The following CDH9 variants were observed in gnomAD, a reference collection of about 807,000 sequenced individuals.
CDH9 encodes the protein cadherin-9.
Under a neutral mutation model 70.9 loss-of-function variants are expected in CDH9, and 28 were observed. The ratio of observed to expected loss-of-function variants is 0.40; its 90% CI spans 0.29 to 0.54. The LOEUF (loss-of-function observed/expected upper bound fraction) is 0.54, where lower values mean the gene tolerates loss of function less well. CDH9 is among the 20% of genes least tolerant of loss of function. The pLI is 0.59. For synonymous variants in CDH9, 409 were observed against 343.1 expected (o/e 1.19, Z -2.12); for missense variants, 874 against 984.4 (o/e 0.89, Z 1.50).
intron 2 of CDH9, among the ~76,000 whole-genome samples, chr5:26,940,260 AT>A (rs1579464232): frequency 6.6e-6 from 1 of 152,132 alleles, no homozygotes; most frequent in East Asian, 1.9e-4. Context: ...ACATGATATA[AT>A]GTATTTTTTC....
chr5:26,947,107 C>T (rs904317834), intron 2 of CDH9, among the ~76,000 whole-genome samples: 7 of 152,062 alleles, frequency 4.6e-5, no homozygotes, highest in Admixed American at 4.6e-4. Flanking sequence ...ACTATATCTG[C>T]CATTCAACCA....
At chr5:26,964,816 G>C (rs1187352413) in intron 2 of CDH9, among the ~76,000 whole-genome samples, 1 of 117,520 alleles carries the variant, frequency 8.5e-6, no homozygotes, top group Admixed American at 1.1e-4. Context: ...CCCAGTGTGT[G>C]AGTTTCCCCT....
chr5:26,983,485 C>T (rs1419199900), intron 2 of CDH9, among the ~76,000 whole-genome samples: 1 of 152,092 alleles, frequency 6.6e-6, no homozygotes, highest in African/African-American at 2.4e-5. Flanking sequence ...ACAGTATTGG[C>T]AGTGAAAAAT....
At chr5:26,991,606 A>G (rs896630160) in intron 1 of CDH9, among the ~76,000 whole-genome samples, 7 of 152,212 alleles carry the variant, frequency 4.6e-5, no homozygotes, top group African/African-American at 1.4e-4. Context: ...CAATTGCCCA[A>G]AAATCCTTGT....
In CDH9 at chr5:26,978,399, T is replaced by TA. The variant is rs1036749988; in HGVS notation, c.228+9706dup. 2.6e-5 allele frequency among the ~76,000 whole-genome samples: 4 copies of TA among 151,966 alleles called. No homozygotes were observed. The South Asian group carries it at 8.3e-4, about 32-fold the overall frequency. On this transcript the variant is annotated intron_variant, in intron 2 of 11. Coordinates refer to ENST00000231021, the MANE Select transcript of CDH9 (RefSeq NM_016279.4). ...TTATAATAACTGAATTAAAAATGTATAATGGTAGATTAGACACAGAAACAT... is the reference window on the plus strand; with the variant it reads ...TTATAATAACTGAATTAAAAATGTATAAATGGTAGATTAGACACAGAAACAT...
At chr5:27,028,190 C>A (rs1743252826) in intron 1 of CDH9, 1 of 151,924 alleles carries the variant, frequency 6.6e-6, no homozygotes, top group Admixed American at 6.6e-5. Context: ...ACCAGCCTGG[C>A]CAACGTGGTG....
chr5:26,920,509 C>T (rs1018220424), intron 2 of CDH9, among the ~76,000 whole-genome samples: 1 of 151,992 alleles, frequency 6.6e-6, no homozygotes, highest in Non-Finnish European at 1.5e-5. Flanking sequence ...GCACTCCAAA[C>T]TTGAGTGAAC....
chr5:27,034,309 G>C (rs1312195203), intron 1 of CDH9, among the ~76,000 whole-genome samples: 2 of 151,482 alleles, frequency 1.3e-5, no homozygotes, highest in Non-Finnish European at 3.0e-5. Context: ...GATATGAGGG[G>C]TTGGCTTTTT....
In CDH9 at chr5:26,926,121, G is replaced by A. The variant is rs373467373; in HGVS notation, c.229-10197C>T. Reference sequence around the variant, plus strand: ...ATCAGGCAAGATAAATAAATAAAGCGTATTCAATTAGGAAAAGAGGAAGTC... The same window carrying A: ...ATCAGGCAAGATAAATAAATAAAGCATATTCAATTAGGAAAAGAGGAAGTC... On this transcript the variant is annotated intron_variant, in intron 2 of 11. Coordinates refer to ENST00000231021, the MANE Select transcript of CDH9 (RefSeq NM_016279.4). Among the ~76,000 whole-genome samples, 470 of 152,184 alleles carry A rather than the reference G, an allele frequency of 3.1e-3. 2 individuals are homozygous for A. Among genetic ancestry groups the A allele is most frequent in the African/African-American group, 0.011 (450 of 41,524 alleles).
At chr5:26,944,504 T>G (rs571199301) in intron 2 of CDH9, among the ~76,000 whole-genome samples, 1 of 152,098 alleles carries the variant, frequency 6.6e-6, no homozygotes. Context: ...TTTAAAAACA[T>G]TAGCTGGGCA....
At chr5:27,037,104 C>T (rs1231103952) in intron 1 of CDH9, among the ~76,000 whole-genome samples, 23 of 151,892 alleles carry the variant, frequency 1.5e-4, no homozygotes, top group Admixed American at 1.4e-3. Context: ...AGGTTTTTTA[C>T]AAAATTGAGA....
chr5:26,965,445 G>A (rs1308663081), intron 2 of CDH9, among the ~76,000 whole-genome samples: 11 of 151,694 alleles, frequency 7.3e-5, no homozygotes, highest in African/African-American at 1.9e-4. Context: ...GCGTGGTGGC[G>A]GGTGCCTGTA....
chr5:26,922,358 A>C (rs1481860324), intron 2 of CDH9, among the ~76,000 whole-genome samples: 2 of 152,118 alleles, frequency 1.3e-5, no homozygotes, highest in Admixed American at 1.3e-4. Context: ...AAAAAACAAC[A>C]TACAAAGGGG....
At chr5:27,026,200 G>A (rs1743218432) in intron 1 of CDH9, among the ~76,000 whole-genome samples, 2 of 151,900 alleles carry the variant, frequency 1.3e-5, no homozygotes, top group Middle Eastern at 3.2e-3. Flanking sequence ...ATAAAACACT[G>A]AAACAAGAAA....
intron 2 of CDH9, among the ~76,000 whole-genome samples, chr5:26,974,198 C>A (rs193241562): frequency 6.6e-6 from 1 of 151,980 alleles, no homozygotes; most frequent in Non-Finnish European, 1.5e-5. Context: ...GATGAGATTG[C>A]GCCACTGCAC....
intron 2 of CDH9, among the ~76,000 whole-genome samples, chr5:26,965,061 ATTG>A (rs1742106184): frequency 1.3e-5 from 2 of 152,008 alleles, no homozygotes; most frequent in Non-Finnish European, 2.9e-5. Context: ...TTTTATTCTT[ATTG>A]GTCTCTTACT....
At chr5:26,894,291 G>A (rs190169256) in intron 7 of CDH9, among the ~76,000 whole-genome samples, 2 of 152,232 alleles carry the variant, frequency 1.3e-5, no homozygotes, top group African/African-American at 4.8e-5. Flanking sequence ...CTGCCCTAGC[G>A]TTTAGCCTAG....
chr5:26,984,452 T>G (rs1313595949), intron 2 of CDH9, among the ~76,000 whole-genome samples: 1 of 152,126 alleles, frequency 6.6e-6, no homozygotes, highest in African/African-American at 2.4e-5. Context: ...CTTCATAAAA[T>G]AAATGTGGTT....
At chr5:26,923,513 C>A (rs1261671002) in intron 2 of CDH9, among the ~76,000 whole-genome samples, 3 of 151,932 alleles carry the variant, frequency 2.0e-5, no homozygotes, top group African/African-American at 7.2e-5. Flanking sequence ...TTGGAAAGAT[C>A]ATCTAGACAA....
Sources: gnomAD v4.1 joint callset for allele counts (sites outside exome capture counted in the v4.1 genomes callset) on GRCh38, gnomAD v4.1.1 for gene constraint, MANE v1.5 for transcripts, NCBI Gene and HGNC (gene_info 2026-07-23, HGNC 2026-07-21) for gene names.